STX12: variants seen among roughly 807,000 people sequenced by gnomAD.
The protein encoded by STX12 is syntaxin 12.
In STX12, 17 loss-of-function variants were observed where a neutral mutation model predicts 42.2. That is an observed-to-expected ratio of 0.40 (90% confidence interval 0.28 to 0.60). The LOEUF is 0.60. Among genes scored for constraint, STX12 ranks in the 20% least tolerant of loss-of-function variants. STX12 has a pLI of 0.39. For missense variants in STX12, 297 were observed against 330.9 expected, an observed-to-expected ratio of 0.90 and a Z score of 0.79; for synonymous variants, 108 against 116.7, an observed-to-expected ratio of 0.93 and a Z score of 0.48.
intron 8 of STX12, among the ~76,000 whole-genome samples, chr1:27,820,619 T>C (rs2148609068): frequency 1.3e-5 from 2 of 152,314 alleles, no homozygotes; most frequent in South Asian, 4.1e-4. Flanking sequence ...AGTGTGGCGA[T>C]TCCTCAGGGA....
intron 3 of STX12, among the ~76,000 whole-genome samples, chr1:27,796,752 G>T (rs1043175252): frequency 1.3e-5 from 2 of 151,086 alleles, no homozygotes; most frequent in African/African-American, 4.9e-5. Flanking sequence ...GCCCAGGCTG[G>T]ACTGCGCAAA....
At chr1:27,774,654 T>C (rs959450) in intron 1 of STX12, among the ~76,000 whole-genome samples, 25,571 of 152,062 alleles carry the variant, frequency 0.17, 5,705 homozygotes, top group African/African-American at 0.51. Flanking sequence ...CCACTGTGCC[T>C]AGCCTAATTT....
At chr1:27,803,786 G>A (rs927899607) in intron 4 of STX12, among the ~76,000 whole-genome samples, 12 of 151,272 alleles carry the variant, frequency 7.9e-5, no homozygotes, top group African/African-American at 2.7e-4. Context: ...GGCAGATCAC[G>A]AGGTCAGGAG....
At chr1:27,782,609 G>A (rs2088675818) in intron 1 of STX12, among the ~76,000 whole-genome samples, 2 of 152,136 alleles carry the variant, frequency 1.3e-5, no homozygotes, top group Admixed American at 1.3e-4. Context: ...AGGGCAGGGT[G>A]GGCAGATCGC....
At chr1:27,801,446 C>T (rs2088827945) in intron 3 of STX12, among the ~76,000 whole-genome samples, 1 of 151,550 alleles carries the variant, frequency 6.6e-6, no homozygotes, top group Non-Finnish European at 1.5e-5. Context: ...TTAAATGCAA[C>T]CCAGTTCCAG....
chr1:27,793,865 GGCT>G (rs1432657049), intron 3 of STX12, among the ~76,000 whole-genome samples: 1 of 151,988 alleles, frequency 6.6e-6, no homozygotes, highest in Non-Finnish European at 1.5e-5. Flanking sequence ...AATATGTGGT[GGCT>G]GCTGCTATTA....
At chr1:27,803,962 C>T (rs2088843087) in intron 4 of STX12, among the ~76,000 whole-genome samples, 1 of 151,318 alleles carries the variant, frequency 6.6e-6, no homozygotes. Context: ...GATTGTGCCC[C>T]TGTGCTCCAG....
intron 6 of STX12, among the ~76,000 whole-genome samples, chr1:27,813,546 T>A (rs1287363790): frequency 6.6e-6 from 1 of 152,170 alleles, no homozygotes; most frequent in African/African-American, 2.4e-5. Flanking sequence ...ATTGCTGGGA[T>A]CAGGGGAGGA....
intron 3 of STX12, among the ~76,000 whole-genome samples, chr1:27,799,629 G>A (rs765234922): frequency 1.1e-4 from 16 of 149,862 alleles, no homozygotes; most frequent in African/African-American, 2.0e-4. Flanking sequence ...GACTACAGGC[G>A]CACGCCACCA....
At chr1:27,797,834 C>T (rs529318665) in intron 3 of STX12, among the ~76,000 whole-genome samples, 79 of 151,966 alleles carry the variant, frequency 5.2e-4, no homozygotes, top group African/African-American at 1.7e-3. Flanking sequence ...TATTCTCACT[C>T]ATGCTAATTA....
intron 3 of STX12, among the ~76,000 whole-genome samples, chr1:27,799,641 G>A (rs1463624710): frequency 5.3e-5 from 8 of 151,062 alleles, no homozygotes; most frequent in Admixed American, 4.0e-4. Flanking sequence ...ACGCCACCAC[G>A]CCTGGCTAAT....
intron 8 of STX12, among the ~76,000 whole-genome samples, chr1:27,820,562 G>C: frequency 6.6e-6 from 1 of 152,170 alleles, no homozygotes; most frequent in East Asian, 1.9e-4. Flanking sequence ...TGCTTTTGGT[G>C]TTTTAGACAT....
In STX12 at chr1:27,810,058, C is replaced by T. The variant is rs2088892818; in HGVS notation, c.427-188C>T. ...TCTGTTCAGGACTCAAACTGGAATGCAGATTTTCTTCAACCACTTTACACC... is the reference window on the plus strand; with the variant it reads ...TCTGTTCAGGACTCAAACTGGAATGTAGATTTTCTTCAACCACTTTACACC... On this transcript the variant is annotated intron_variant, in intron 4 of 8. Transcript: ENST00000373943. 5.7e-6 allele frequency: 3 copies of T among 526,844 alleles called. No homozygotes were observed. In the East Asian group the frequency reaches 9.0e-5, roughly 16 times the overall value. 32.6% of individuals were successfully genotyped at this position (526,844 alleles called of 1,614,324 possible). A position where few individuals can be genotyped will look rare whatever the true frequency, so the allele number is the denominator to read the frequency against.
intron 6 of STX12, 87 bp downstream of exon 6, chr1:27,812,355 A>G (rs1464874790): frequency 2.1e-6 from 2 of 959,784 alleles, no homozygotes; most frequent in Non-Finnish European, 3.2e-6. Flanking sequence ...CTTAGTGATT[A>G]TGAAAAGGCA....
chr1:27,819,866 C>A, intron 8 of STX12, 134 bp downstream of exon 8: 1 of 629,080 alleles, frequency 1.6e-6, no homozygotes, highest in Admixed American at 3.2e-5. Context: ...ATTGCAGTCC[C>A]AGTTCCATTT....
chr1:27,777,071 A>G (rs991000047), intron 1 of STX12, among the ~76,000 whole-genome samples: 1 of 152,184 alleles, frequency 6.6e-6, no homozygotes, highest in Non-Finnish European at 1.5e-5. Flanking sequence ...GATTGTGTGT[A>G]TATGTGTGTT....
chr1:27,797,213 C>T (rs2088792502), intron 3 of STX12, among the ~76,000 whole-genome samples: 1 of 152,072 alleles, frequency 6.6e-6, no homozygotes, highest in Non-Finnish European at 1.5e-5. Context: ...AGACGCACAC[C>T]ACCACGCTAA....
Position 27,819,739 on chromosome 1 carries a change from G to A in STX12, c.732+7G>A. 6.2e-7 allele frequency: 1 copy of A among 1,612,948 alleles called. No individual in the cohort carries two copies. The highest frequency in any genetic ancestry group is 8.5e-7 in the Non-Finnish European group (1 of 1,179,290). On this transcript the variant is annotated splice_region_variant and intron_variant, in intron 8 of 8. Coordinates refer to ENST00000373943, the MANE Select transcript of STX12 (RefSeq NM_177424.3). The stretch of plus-strand genomic sequence containing the variant: ...GCGAGCTGCTTACTATCAGGTAAAA[G>A]CGGGTACCAAAGAAAGTCACTCTGT...
At chr1:27,816,601 G>GAGGGAGGGATAGAGAGAGA (rs2088944177) in intron 6 of STX12, among the ~76,000 whole-genome samples, 2 of 148,238 alleles carry the variant, frequency 1.3e-5, no homozygotes, top group Admixed American at 6.8e-5. Flanking sequence ...GGAAGGGAGG[G>GAGGGAGGGATAGAGAGAGA]AGGGAGGGAT....
Sources: allele counts gnomAD v4.1 joint callset (sites outside exome capture counted in the v4.1 genomes callset), GRCh38; gene constraint gnomAD v4.1.1; transcripts MANE v1.5; gene names NCBI Gene and HGNC (gene_info 2026-07-23, HGNC 2026-07-21).